EPHA5: variants seen among roughly 807,000 people sequenced by gnomAD.
EPHA5 encodes the protein ephrin type-A receptor 5.
A neutral mutation model predicts 105.0 loss-of-function variants in EPHA5; 60 were observed. The ratio of observed to expected loss-of-function variants is 0.57; its 90% CI spans 0.46 to 0.71. The LOEUF (loss-of-function observed/expected upper bound fraction) is 0.71, where lower values mean the gene tolerates loss of function less well. Ranked by LOEUF, EPHA5 falls within the 30% of genes least tolerant of loss-of-function variation. The pLI, the probability that EPHA5 is intolerant of heterozygous loss-of-function variation, is 0.00. For synonymous variants in EPHA5, 513 were observed against 449.1 expected (o/e 1.14, Z -1.80); for missense variants, 1,218 against 1,274.7 (o/e 0.96, Z 0.68).
intron 3 of EPHA5, among the ~76,000 whole-genome samples, chr4:65,556,997 T>C (rs546134958): frequency 2.6e-5 from 4 of 151,926 alleles, no homozygotes; most frequent in Admixed American, 2.6e-4. Flanking sequence ...AAATTCTGTT[T>C]GTCCTTTATT....
In EPHA5 at chr4:65,595,641, C is replaced by T. The variant is rs1454664562; in HGVS notation, c.910+6000G>A. ...TGTCACCCAGGCTGGAGTGCAGTGG[C>T]GCGATCTCCACTCACTGCAAGCTCC... is the stretch of plus-strand genomic sequence containing the variant. On this transcript the variant is annotated intron_variant, in intron 3 of 16. Transcript: ENST00000613740. 4.7e-5 allele frequency among the ~76,000 whole-genome samples: 7 copies of T among 147,748 alleles called. No individual in the cohort carries two copies. The South Asian group carries it at 6.4e-4, about 13-fold the overall frequency.
chr4:65,520,938 T>C (rs1001633591), intron 3 of EPHA5, among the ~76,000 whole-genome samples: 2 of 152,158 alleles, frequency 1.3e-5, no homozygotes, highest in Non-Finnish European at 2.9e-5. Context: ...GACTGTAAAC[T>C]GCTTCAACCA....
At chr4:65,407,304 A>G (rs1275230144) in intron 7 of EPHA5, among the ~76,000 whole-genome samples, 1 of 152,086 alleles carries the variant, frequency 6.6e-6, no homozygotes, top group Admixed American at 6.6e-5. Context: ...GTCCACAATT[A>G]CTCAGAAATA....
chr4:65,487,318 G>A (rs1240887484), intron 5 of EPHA5, among the ~76,000 whole-genome samples: 1 of 152,098 alleles, frequency 6.6e-6, no homozygotes, highest in East Asian at 1.9e-4. Flanking sequence ...ACTTTGGGGG[G>A]AATTTAGTTT....
intron 8 of EPHA5, among the ~76,000 whole-genome samples, chr4:65,367,940 C>T (rs1396825928): frequency 1.3e-5 from 2 of 151,930 alleles, no homozygotes; most frequent in Non-Finnish European, 2.9e-5. Flanking sequence ...TGAAATTCAC[C>T]ACAACTTGCA....
chr4:65,557,046 C>T (rs1342137533), intron 3 of EPHA5, among the ~76,000 whole-genome samples: 3 of 151,252 alleles, frequency 2.0e-5, no homozygotes, highest in Admixed American at 6.6e-5. Context: ...GTTTCTTCTT[C>T]GATGAAGGTG....
chr4:65,569,375 T>C (rs1300513745), intron 3 of EPHA5, among the ~76,000 whole-genome samples: 3 of 151,644 alleles, frequency 2.0e-5, no homozygotes, highest in Admixed American at 6.6e-5. Flanking sequence ...GGAAAAAATG[T>C]GCCATTGTAA....
intron 1 of EPHA5, among the ~76,000 whole-genome samples, chr4:65,652,977 G>A (rs1748743432): frequency 6.6e-6 from 1 of 151,726 alleles, no homozygotes. Context: ...TCCTAAACAG[G>A]CAAAAGGTAC....
intron 3 of EPHA5, among the ~76,000 whole-genome samples, chr4:65,536,667 G>T (rs2149312966): frequency 6.6e-6 from 1 of 151,118 alleles, no homozygotes; most frequent in East Asian, 1.9e-4. Flanking sequence ...CAATCTGAAA[G>T]CTTGCAATAA....
intron 3 of EPHA5, among the ~76,000 whole-genome samples, chr4:65,512,162 G>A (rs79712365): frequency 0.01 from 1,592 of 152,262 alleles, 33 homozygotes; most frequent in African/African-American, 0.037. Context: ...GTTTAAATAT[G>A]AGGTAAAACA....
At chr4:65,582,148 G>T (rs962085702) in intron 3 of EPHA5, among the ~76,000 whole-genome samples, 12 of 151,554 alleles carry the variant, frequency 7.9e-5, no homozygotes, top group African/African-American at 2.9e-4. Flanking sequence ...AGTGTGTTCT[G>T]AAGGAAAAAA....
intron 5 of EPHA5, among the ~76,000 whole-genome samples, chr4:65,421,125 T>C (rs1723907276): frequency 6.6e-6 from 1 of 152,090 alleles, no homozygotes. Flanking sequence ...TTATTCTCGT[T>C]TTTCTCATAT....
chr4:65,498,322 T>C (rs1476776093), intron 3 of EPHA5, among the ~76,000 whole-genome samples: 1 of 151,954 alleles, frequency 6.6e-6, no homozygotes, highest in African/African-American at 2.4e-5. Flanking sequence ...AGGGAGGTCA[T>C]TGGAAAGTTC....
chr4:65,443,850 T>C (rs756222817), intron 5 of EPHA5, among the ~76,000 whole-genome samples: 3 of 152,046 alleles, frequency 2.0e-5, no homozygotes, highest in Non-Finnish European at 4.4e-5. Flanking sequence ...TAGCCTATAG[T>C]AGGATGACCT....
chr4:65,327,197 T>C (rs1720165539), intron 16 of EPHA5, among the ~76,000 whole-genome samples: 3 of 151,364 alleles, frequency 2.0e-5, no homozygotes, highest in African/African-American at 7.2e-5. Context: ...TAAATGTGGG[T>C]ATTGTTTGAG....
At chr4:65,571,054 TA>T (rs1387934978) in intron 3 of EPHA5, among the ~76,000 whole-genome samples, 1 of 151,864 alleles carries the variant, frequency 6.6e-6, no homozygotes, top group Non-Finnish European at 1.5e-5. Flanking sequence ...CTTCTCTTCC[TA>T]CCTTTCCCTT....
intron 3 of EPHA5, among the ~76,000 whole-genome samples, chr4:65,543,688 C>CCAA (rs1737076470): frequency 6.6e-6 from 1 of 151,678 alleles, no homozygotes; most frequent in Non-Finnish European, 1.5e-5. Flanking sequence ...CATTCCACTA[C>CCAA]TGTTATTACA....
chr4:65,363,384 A>G (rs1717527875), intron 11 of EPHA5, among the ~76,000 whole-genome samples: 1 of 151,588 alleles, frequency 6.6e-6, no homozygotes, highest in Non-Finnish European at 1.5e-5. Flanking sequence ...ATAATTGTTT[A>G]TATTCAAATT....
At chr4:65,653,925 C>T (rs891128394) in intron 1 of EPHA5, among the ~76,000 whole-genome samples, 2 of 151,934 alleles carry the variant, frequency 1.3e-5, no homozygotes, top group South Asian at 2.1e-4. Flanking sequence ...CAATGATAAT[C>T]GTGCTGCTGT....
Sources: allele counts gnomAD v4.1 joint callset (sites outside exome capture counted in the v4.1 genomes callset), GRCh38; gene constraint gnomAD v4.1.1; transcripts MANE v1.5; gene names NCBI Gene and HGNC (gene_info 2026-07-23, HGNC 2026-07-21).